The following ECPAS variants were observed in gnomAD, a reference collection of about 807,000 sequenced individuals.
ECPAS encodes the protein proteasome adapter and scaffold protein ECM29.
ECPAS carries 70 observed loss-of-function variants against 255.1 expected under a neutral mutation model. That is an observed-to-expected ratio of 0.27 (90% CI 0.23 to 0.33). The LOEUF is 0.33. Ranked by LOEUF, ECPAS falls within the 10% of genes least tolerant of loss-of-function variation. ECPAS has a pLI of 1.00. For missense variants in ECPAS, 1,817 were observed against 2,206.4 expected (o/e 0.82, Z 3.54); for synonymous variants, 784 against 775.0 (o/e 1.01, Z -0.19).
chr9:111,410,189 G>A lies in ECPAS; in HGVS notation c.2402C>T (p.Pro801Leu). Residue 801 changes from proline (P) to leucine (L), a missense_variant, in exon 23 of 50, where the codon CCC becomes CTC. Physicochemically the swap from Pro to Leu is moderately conservative, Grantham distance 98 (BLOSUM62 -3). Transcript: ENST00000684092. ...TIGSFLDSTS[P>L]LLAIAACTAL... The stretch of plus-strand genomic sequence containing the variant: ...TGTGCAGGCAGCAATTGCCAGGAGG[G>A]GTGATGTACTGTCCAAAAATGAGCC... 1.2e-6 allele frequency: 2 copies of A among 1,612,318 alleles called. No homozygotes were observed. The highest frequency in any genetic ancestry group is 1.7e-6 in the Non-Finnish European group (2 of 1,179,396).
At position 111,372,714 on chromosome 9, in the gene ECPAS, CA is replaced by C. The variant is rs1297571854; in HGVS notation, c.4337-95del. 6 of 948,256 alleles carry C rather than the reference CA, an allele frequency of 6.3e-6. No homozygotes were observed. In the African/African-American group the frequency reaches 6.6e-5, roughly 10 times the overall value. The allele number at this position is 948,256 out of a possible 1,614,324, so 58.7% of individuals were successfully genotyped here. On this transcript the variant is annotated intron_variant, in intron 41 of 49. Transcript: ENST00000684092. Reference sequence around the variant, plus strand: ...TTGTTCAACTCATATAATAGCAAAACAAACAGGTAAAATCAATTAGAAATGT... The same window carrying C: ...TTGTTCAACTCATATAATAGCAAAACAACAGGTAAAATCAATTAGAAATGT...
intron 2 of ECPAS, among the ~76,000 whole-genome samples, chr9:111,454,968 C>T (rs2098265071): frequency 6.6e-6 from 1 of 152,086 alleles, no homozygotes; most frequent in Admixed American, 6.6e-5. Context: ...TTCCTGGCCT[C>T]AAGCGATCCT....
intron 28 of ECPAS, among the ~76,000 whole-genome samples, chr9:111,392,025 G>A (rs892541364): frequency 6.6e-6 from 1 of 152,204 alleles, no homozygotes; most frequent in African/African-American, 2.4e-5. Context: ...TGGATCACTA[G>A]GTCAGGAGTT....
chr9:111,461,814 C>A (rs10980902), intron 2 of ECPAS, among the ~76,000 whole-genome samples: 29,889 of 152,114 alleles, frequency 0.2, 3,037 homozygotes, highest in East Asian at 0.33. Context: ...GATAGGGAAG[C>A]CTTTCAATCA....
At chr9:111,447,159 C>T (rs1270794280) in intron 3 of ECPAS, among the ~76,000 whole-genome samples, 1 of 151,358 alleles carries the variant, frequency 6.6e-6, no homozygotes, top group African/African-American at 2.4e-5. Flanking sequence ...GGGTCTCACT[C>T]TGTCACTCAG....
chr9:111,385,573 T>C (rs2098147007), intron 32 of ECPAS, 131 bp from the exon 33 acceptor site: 2 of 647,256 alleles, frequency 3.1e-6, no homozygotes, highest in South Asian at 3.7e-5. Context: ...AAAACAGCAA[T>C]GACTTCTCTC....
intron 3 of ECPAS, among the ~76,000 whole-genome samples, chr9:111,448,555 T>A (rs1316918697): frequency 6.6e-6 from 1 of 152,226 alleles, no homozygotes; most frequent in Non-Finnish European, 1.5e-5. Context: ...GACATTATAC[T>A]TTAGTACTAC....
At chr9:111,434,331 G>A (rs1258538074) in intron 7 of ECPAS, among the ~76,000 whole-genome samples, 3 of 152,112 alleles carry the variant, frequency 2.0e-5, no homozygotes, top group East Asian at 3.9e-4. Flanking sequence ...CAAAAAATGT[G>A]TAAAGAAAAC....
chr9:111,435,378 T>A (rs4978997), intron 7 of ECPAS, among the ~76,000 whole-genome samples: 4,971 of 152,256 alleles, frequency 0.033, 167 homozygotes, highest in East Asian at 0.13. Context: ...ATTATGAAAC[T>A]GACAAAACAC....
chr9:111,389,234 TGGGACTATGA>T (rs2098155440), intron 31 of ECPAS, among the ~76,000 whole-genome samples: 1 of 152,246 alleles, frequency 6.6e-6, no homozygotes, highest in Non-Finnish European at 1.5e-5. Flanking sequence ...TCATTGGAGA[TGGGACTATGA>T]CCCATTCTCC....
chr9:111,416,952 T>C (rs576022920), intron 17 of ECPAS, among the ~76,000 whole-genome samples: 39 of 152,312 alleles, frequency 2.6e-4, no homozygotes, highest in Non-Finnish European at 1.5e-5. Context: ...TGCTCTCTTA[T>C]GAACACGGTG....
intron 1 of ECPAS, among the ~76,000 whole-genome samples, chr9:111,480,627 T>G (rs2098303396): frequency 6.6e-6 from 1 of 152,162 alleles, no homozygotes; most frequent in African/African-American, 2.4e-5. Flanking sequence ...ATCTGCTATT[T>G]TATTATACCC....
intron 2 of ECPAS, among the ~76,000 whole-genome samples, chr9:111,453,319 A>G (rs1354948126): frequency 6.6e-6 from 1 of 152,206 alleles, no homozygotes; most frequent in African/African-American, 2.4e-5. Flanking sequence ...TCATTGCCCA[A>G]GCAATGACGA....
At chr9:111,441,930 A>G (rs1347598549) in intron 5 of ECPAS, among the ~76,000 whole-genome samples, 1 of 152,182 alleles carries the variant, frequency 6.6e-6, no homozygotes, top group Non-Finnish European at 1.5e-5. Context: ...AATAATACAA[A>G]CGAGTGCTCT....
At chr9:111,406,356 G>A (rs1326708810) in intron 24 of ECPAS, among the ~76,000 whole-genome samples, 1 of 149,686 alleles carries the variant, frequency 6.7e-6, no homozygotes, top group African/African-American at 2.5e-5. Flanking sequence ...CCAGAGGCCA[G>A]GAAAGGTACT....
rs2098203523 is a variant in ECPAS at position 111,416,366 on chromosome 9, G to A, written c.1684-14C>T. The A allele has an allele frequency of 3.1e-6, 5 of 1,601,724 alleles. No individual in the cohort carries two copies. The highest frequency in any genetic ancestry group is 1.3e-5 in the African/African-American group (1 of 74,692). ...TCGATGAGAAGCCTAAGTTTAAAAAGTCCAAAACAGACACAATTACTGAAA... is the reference window on the plus strand; with the variant it reads ...TCGATGAGAAGCCTAAGTTTAAAAAATCCAAAACAGACACAATTACTGAAA... On this transcript the variant is annotated splice_polypyrimidine_tract_variant and intron_variant, in intron 17 of 49. Transcript: ENST00000684092.
intron 1 of ECPAS, among the ~76,000 whole-genome samples, chr9:111,475,411 A>G (rs1368561046): frequency 6.6e-6 from 1 of 152,190 alleles, no homozygotes; most frequent in Non-Finnish European, 1.5e-5. Context: ...TTGATCACAT[A>G]TTATAGTTTA....
At position 111,425,843 on chromosome 9, in the gene ECPAS, G is replaced by A. The variant is rs780708565; in HGVS notation, c.1051-15C>T. ...TCATACACCACCTATGTAAAATGAAGAGTTGAGAACATCAATTAATAAAAA... is the reference window on the plus strand; with the variant it reads ...TCATACACCACCTATGTAAAATGAAAAGTTGAGAACATCAATTAATAAAAA... On this transcript the variant is annotated splice_polypyrimidine_tract_variant and intron_variant, in intron 10 of 49. Transcript: ENST00000684092. 7.9e-7 allele frequency: 1 copy of A among 1,264,442 alleles called. No homozygotes were observed. The highest frequency in any genetic ancestry group is 1.1e-6 in the Non-Finnish European group (1 of 884,896). The allele number at this position is 1,264,442 out of a possible 1,614,324, so 78.3% of individuals were successfully genotyped here. A position where few individuals can be genotyped will look rare whatever the true frequency, so the allele number is the denominator to read the frequency against.
rs1007998329 is a variant in ECPAS, at chr9:111,379,813, G to A, written c.3804-1083C>T. On this transcript the variant is annotated intron_variant, in intron 35 of 49. Transcript: ENST00000684092. ...AACCACTTTCTTTGCTCATCGATAA[G>A]AAGCAACTCCTCTTCTGTTCAAGTT... Among the ~76,000 whole-genome samples the A allele has an allele frequency of 2.0e-5, 3 of 152,164 alleles. No homozygotes were observed. The East Asian group carries it at 5.8e-4, about 29-fold the overall frequency.
Sources: allele counts gnomAD v4.1 joint callset (sites outside exome capture counted in the v4.1 genomes callset), GRCh38; gene constraint gnomAD v4.1.1; transcripts MANE v1.5; gene names NCBI Gene and HGNC (gene_info 2026-07-23, HGNC 2026-07-21).